HS1BP3: variants seen among roughly 807,000 people sequenced by gnomAD.
HS1BP3 encodes the protein HCLS1-binding protein 3.
Under a neutral mutation model 33.5 loss-of-function variants are expected in HS1BP3, and 32 were observed. The ratio of observed to expected loss-of-function variants is 0.95; its 90% CI spans 0.72 to 1.28. HS1BP3 has a LOEUF of 1.28. Ranked by LOEUF, HS1BP3 falls within the 50% of genes most tolerant of loss-of-function variation. The pLI is 0.00. For missense variants in HS1BP3, 486 were observed against 502.3 expected, an observed-to-expected ratio of 0.97 and a Z score of 0.31; for synonymous variants, 187 against 209.2, an observed-to-expected ratio of 0.89 and a Z score of 0.92.
At chr2:20,579,565 A>C (rs1237234254) in intron 5 of HS1BP3, among the ~76,000 whole-genome samples, 2 of 152,222 alleles carry the variant, frequency 1.3e-5, no homozygotes, top group Non-Finnish European at 2.9e-5. Flanking sequence ...GCCCCCCGGC[A>C]TACCAGGCTC....
chr2:20,601,729 C>T (rs1694073043), intron 2 of HS1BP3, among the ~76,000 whole-genome samples: 1 of 149,542 alleles, frequency 6.7e-6, no homozygotes, highest in Admixed American at 6.7e-5. Flanking sequence ...GTCCATTAAA[C>T]CTCTTTCCTT....
chr2:20,643,092 G>C (rs916338462), intron 2 of HS1BP3, among the ~76,000 whole-genome samples: 6 of 152,202 alleles, frequency 3.9e-5, no homozygotes, highest in Non-Finnish European at 4.4e-5. Flanking sequence ...TTCAGGCTTG[G>C]GGGTATGTAA....
At chr2:20,621,326 G>A (rs1292779750) in intron 6 of HS1BP3, among the ~76,000 whole-genome samples, 1 of 152,258 alleles carries the variant, frequency 6.6e-6, no homozygotes, top group Non-Finnish European at 1.5e-5. Context: ...CTGTGATGGG[G>A]CACAAACCCC....
At chr2:20,574,255 T>C (rs950166942) in intron 5 of HS1BP3, among the ~76,000 whole-genome samples, 10 of 152,136 alleles carry the variant, frequency 6.6e-5, no homozygotes, top group Admixed American at 4.6e-4. Flanking sequence ...TAGATCCCAT[T>C]TACTAAATGG....
intron 2 of HS1BP3, chr2:20,606,364 T>C: frequency 4.3e-6 from 2 of 465,910 alleles, no homozygotes; most frequent in South Asian, 3.7e-5. Context: ...GAAACCAGTT[T>C]GATGAGTCCT....
downstream of HS1BP3, among the ~76,000 whole-genome samples, chr2:20,558,303 G>T (rs143472115): frequency 1.3e-5 from 2 of 152,164 alleles, no homozygotes; most frequent in African/African-American, 4.8e-5. Context: ...GAGGGGAAGA[G>T]CTTGGACCAC....
chr2:20,640,682 G>T, intron 3 of HS1BP3: 1 of 578,392 alleles, frequency 1.7e-6, no homozygotes. Context: ...GGGGGTGTCG[G>T]GCAAGCTCTA....
At chr2:20,595,463 G>A (rs555955092) in intron 3 of HS1BP3, among the ~76,000 whole-genome samples, 6 of 152,250 alleles carry the variant, frequency 3.9e-5, no homozygotes, top group Admixed American at 1.3e-4. Context: ...GCACAGAGGC[G>A]CAGAAAGAGG....
At chr2:20,609,406 G>A (rs938427252) in intron 2 of HS1BP3, among the ~76,000 whole-genome samples, 3 of 152,052 alleles carry the variant, frequency 2.0e-5, no homozygotes, top group African/African-American at 7.2e-5. Context: ...GGGGACCTCT[G>A]AGCTCTCCTC....
intron 5 of HS1BP3, among the ~76,000 whole-genome samples, chr2:20,565,210 C>T (rs12328382): frequency 1.3e-5 from 2 of 152,066 alleles, no homozygotes; most frequent in East Asian, 1.9e-4. Flanking sequence ...GCTCAGTGCC[C>T]GGCTGTGTAT....
chr2:20,621,771 G>A (rs922425101), intron 6 of HS1BP3, among the ~76,000 whole-genome samples: 54 of 152,368 alleles, frequency 3.5e-4, no homozygotes, highest in African/African-American at 1.1e-3. Context: ...TTGCTCCCAG[G>A]TGGGTGGTGT....
Position 20,617,989 on chromosome 2 carries a change from G to A in HS1BP3, c.*998C>T, listed in dbSNP as rs1307502626. 2.0e-5 allele frequency: 3 copies of A among 152,564 alleles called. No homozygotes were observed. Among genetic ancestry groups the A allele is most frequent in the Non-Finnish European group, 2.9e-5 (2 of 68,094 alleles). 9.5% of individuals were successfully genotyped at this position (152,564 alleles called of 1,614,324 possible). A position where few individuals can be genotyped will look rare whatever the true frequency, so the allele number is the denominator to read the frequency against. ...GGGAAGGCAGCTCCACTGGTGAAAG[G>A]CCACTGACCAAGTCCAGACCCTGAG... is the stretch of plus-strand genomic sequence containing the variant. On this transcript the variant is annotated 3_prime_UTR_variant, in exon 7 of 7. Coordinates refer to ENST00000304031, the MANE Select transcript of HS1BP3 (RefSeq NM_022460.4).
At chr2:20,577,923 G>T (rs985723702) in intron 5 of HS1BP3, among the ~76,000 whole-genome samples, 3 of 152,242 alleles carry the variant, frequency 2.0e-5, no homozygotes, top group African/African-American at 7.2e-5. Context: ...TTCCAGGCCT[G>T]CCTCAGGGCA....
At chr2:20,615,710 G>T (rs1357339594), downstream of HS1BP3, among the ~76,000 whole-genome samples, 1 of 152,194 alleles carries the variant, frequency 6.6e-6, no homozygotes, top group Non-Finnish European at 1.5e-5. Context: ...CCTGACACCG[G>T]GTATTAAATC....
In HS1BP3 at chr2:20,638,589, T is replaced by A. The variant is rs781192187; in HGVS notation, c.470A>T (p.Asp157Val). 5.0e-6 allele frequency: 8 copies of A among 1,614,114 alleles called. No individual in the cohort carries two copies. In the East Asian group the frequency reaches 1.3e-4, roughly 27 times the overall value. ...SRDSSVLDGT[D>V]SQTGNDEEAF... Reference sequence around the variant, plus strand: ...CTCTTCATCATTCCCTGTCTGACTGTCTGTGCCATCCAGGACAGAGGAATC... The same window carrying A: ...CTCTTCATCATTCCCTGTCTGACTGACTGTGCCATCCAGGACAGAGGAATC... The change falls in exon 4 of 7, where the codon GAC becomes GTC. Residue 157 changes from aspartate (D) to valine (V), a missense_variant. Asp to Val is a radical substitution (Grantham distance 152). Coordinates refer to ENST00000304031, the MANE Select transcript of HS1BP3 (RefSeq NM_022460.4).
intron 4 of HS1BP3, among the ~76,000 whole-genome samples, chr2:20,630,475 C>A (rs1401161252): frequency 1.3e-5 from 2 of 152,150 alleles, no homozygotes; most frequent in South Asian, 2.1e-4. Context: ...CGCTATGTTG[C>A]CCAGGCTGAT....
intron 6 of HS1BP3, among the ~76,000 whole-genome samples, chr2:20,621,485 TG>T (rs1482002751): frequency 2.6e-5 from 4 of 152,214 alleles, no homozygotes; most frequent in Non-Finnish European, 4.4e-5. Context: ...GTGTCACTCA[TG>T]GCCAGTCTGC....
chr2:20,578,101 C>T (rs997719150), intron 5 of HS1BP3, among the ~76,000 whole-genome samples: 2 of 152,208 alleles, frequency 1.3e-5, no homozygotes, highest in Non-Finnish European at 2.9e-5. Flanking sequence ...ATCATGTCCC[C>T]TCAGGCAACT....
Position 20,605,240 on chromosome 2 carries a change from T to G in HS1BP3, c.179-6975A>C, listed in dbSNP as rs558735669. 3.3e-5 allele frequency among the ~76,000 whole-genome samples: 5 copies of G among 152,244 alleles called. No individual in the cohort carries two copies. In the South Asian group the frequency reaches 1.0e-3, roughly 32 times the overall value. On this transcript the variant is annotated intron_variant, in intron 2 of 3. Coordinates refer to the HS1BP3 transcript ENST00000415264. ...GCTCCCCAGCTTCTCCTCATCAAGATTTCAGCATCATCTATAGACACAGGT... is the reference window on the plus strand; with the variant it reads ...GCTCCCCAGCTTCTCCTCATCAAGAGTTCAGCATCATCTATAGACACAGGT...
Sources: allele counts gnomAD v4.1 joint callset (sites outside exome capture counted in the v4.1 genomes callset), GRCh38; gene constraint gnomAD v4.1.1; transcripts MANE v1.5; gene names NCBI Gene and HGNC (gene_info 2026-07-23, HGNC 2026-07-21).